KIF19: variants seen among roughly 807,000 people sequenced by gnomAD.
The protein encoded by KIF19 is kinesin-like protein KIF19.
In KIF19, 98 loss-of-function variants were observed where a neutral mutation model predicts 106.6. The observed-to-expected ratio is 0.92, with a 90% CI of 0.78 to 1.09. The LOEUF is 1.09. Among genes scored for constraint, KIF19 ranks in the 50% least tolerant of loss-of-function variants. The probability of loss-of-function intolerance (pLI) is 0.00; values close to 1 mark genes in which losing one functional copy is unlikely to be tolerated. For synonymous variants in KIF19, 516 were observed against 584.2 expected (o/e 0.88, Z 1.68); for missense variants, 1,373 against 1,414.3 (o/e 0.97, Z 0.47).
intron 7 of KIF19, 149 bp downstream of exon 7, chr17:74,345,104 T>C (rs1032182653): frequency 1.3e-5 from 10 of 765,480 alleles, no homozygotes; most frequent in Non-Finnish European, 1.9e-5. Flanking sequence ...GCATCTCAGC[T>C]TCGTAGGAGT....
At position 74,344,525 on chromosome 17, in the gene KIF19, G is replaced by A. The variant is rs549031029; in HGVS notation, c.582+177G>A. Among the ~76,000 whole-genome samples, 81 of 152,298 alleles carry A rather than the reference G, an allele frequency of 5.3e-4. 1 individual carries two copies. Among genetic ancestry groups the A allele is most frequent in the African/African-American group, 1.8e-3 (76 of 41,564 alleles). On this transcript the variant is annotated intron_variant, in intron 6 of 19. Transcript: ENST00000389916. ...ACACCTGCCCCAATGCCCCCACCAC[G>A]CTGACCCTGGGAGAGTAACCAGGCA...
rs2054537618 is a variant in KIF19, at chr17:74,346,583, C to T, written c.924+59C>T. On this transcript the variant is annotated intron_variant, in intron 8 of 19. Transcript: ENST00000389916. The surrounding 1 kb of genome is among the most constrained non-coding windows in gnomAD (Gnocchi z 4.6). ...CCAAGGGTGAGGCTGCCAGATTAAA[C>T]AAATGAAAATACAGGGCACCCAGCT... 1.3e-6 allele frequency: 2 copies of T among 1,496,320 alleles called. No individual in the cohort carries two copies. Among genetic ancestry groups the T allele is most frequent in the African/African-American group, 2.8e-5 (2 of 71,716 alleles). The allele number at this position is 1,496,320 out of a possible 1,614,324, so 92.7% of individuals were successfully genotyped here.
chr17:74,332,208 G>T (rs1489212777), intron 2 of KIF19, among the ~76,000 whole-genome samples: 9 of 48,350 alleles, frequency 1.9e-4, no homozygotes, highest in African/African-American at 7.1e-4. Context: ...GTGTGTGTGT[G>T]TTTGTGTGTG....
Position 74,349,891 on chromosome 17 carries a change from C to CG in KIF19, c.1214-507dup, listed in dbSNP as rs1209631923. ...TAGGCTTACTGCAACCTCTGCCTCC[C>CG]GGGTTCAAGCGATTCTTCTGCCTCA... is the stretch of plus-strand genomic sequence containing the variant. On this transcript the variant is annotated intron_variant, in intron 10 of 19. Coordinates refer to ENST00000389916, the MANE Select transcript of KIF19 (RefSeq NM_153209.4). 5.3e-5 allele frequency among the ~76,000 whole-genome samples: 8 copies of CG among 151,994 alleles called. No individual in the cohort carries two copies. The East Asian group carries it at 1.2e-3, about 22-fold the overall frequency.
chr17:74,354,219 G>A lies in KIF19; in HGVS notation c.2366G>A (p.Arg789His), dbSNP rs762399531. 2.2e-5 allele frequency: 36 copies of A among 1,608,980 alleles called. No individual in the cohort carries two copies. Among genetic ancestry groups the A allele is most frequent in the South Asian group, 4.4e-5 (4 of 90,998 alleles). ...ATCTGGGTGAAGGCCGCCCGGCGGCGCTCGCGGGCCCTGGGAACCGAGGGG... is the reference window on the plus strand; with the variant it reads ...ATCTGGGTGAAGGCCGCCCGGCGGCACTCGCGGGCCCTGGGAACCGAGGGG... ...KCIWVKAARR[R>H]SRALGTEGRH... The change falls in exon 18 of 20, where the codon CGC becomes CAC. Residue 789 changes from arginine to histidine, a missense_variant. Around this residue, in one of 3 missense-constraint regions of KIF19, gnomAD observed 1,020 missense variants for 1,008.2 expected, o/e 1.01. Coordinates refer to ENST00000389916, the MANE Select transcript of KIF19 (RefSeq NM_153209.4).
chr17:74,355,446 G>A lies in KIF19; in HGVS notation c.*134G>A. 1 of 1,204,914 alleles carries A rather than the reference G, an allele frequency of 8.3e-7. No individual in the cohort carries two copies. Among genetic ancestry groups the A allele is most frequent in the South Asian group, 1.7e-5 (1 of 57,910 alleles). 74.6% of individuals were successfully genotyped at this position (1,204,914 alleles called of 1,614,324 possible). A position where few individuals can be genotyped will look rare whatever the true frequency, so the allele number is the denominator to read the frequency against. ...GATCTCAGCAGGCCAGGGCTCCTGA[G>A]ACCCAGGAACTGGGGTCTCTGCCCA... On this transcript the variant is annotated 3_prime_UTR_variant, in exon 20 of 20. Coordinates refer to ENST00000389916, the MANE Select transcript of KIF19 (RefSeq NM_153209.4).
rs778538301 is a variant in KIF19 at position 74,354,958 on chromosome 17, A to T, written c.2866+17A>T. 80 of 1,576,440 alleles carry T rather than the reference A, an allele frequency of 5.1e-5. No individual in the cohort carries two copies. The African/African-American group carries it at 1.0e-3, about 20-fold the overall frequency. On this transcript the variant is annotated intron_variant, in intron 19 of 19. Transcript: ENST00000389916. ...AGAACACGGGTCAGTATGGGCAAGG[A>T]GGGGATGGGGAGGGGAGGCCTCCAC...
chr17:74,339,360 C>T (rs142744501), intron 2 of KIF19, among the ~76,000 whole-genome samples: 92 of 152,056 alleles, frequency 6.1e-4, no homozygotes, highest in Middle Eastern at 3.4e-3. Context: ...GAAGAATCAT[C>T]GTGATGATTC....
At chr17:74,351,799 A>G in intron 12 of KIF19, 68 bp from the exon 13 acceptor site, 1 of 1,359,038 alleles carries the variant, frequency 7.4e-7, no homozygotes, top group Non-Finnish European at 9.4e-7. Flanking sequence ...TGGAGGGTCG[A>G]GGACGAGCTG....
At chr17:74,333,111 G>A (rs996562434) in intron 2 of KIF19, among the ~76,000 whole-genome samples, 1 of 152,210 alleles carries the variant, frequency 6.6e-6, no homozygotes, top group Non-Finnish European at 1.5e-5. Context: ...CTGCCTGCCT[G>A]GGGGCAGTGA....
At chr17:74,351,733 G>T in intron 12 of KIF19, 134 bp from the exon 13 acceptor site, 1 of 1,037,194 alleles carries the variant, frequency 9.6e-7, no homozygotes, top group Non-Finnish European at 1.3e-6. Flanking sequence ...CCAAGATTCA[G>T]CTTTTAGGGT....
chr17:74,342,142 T>G (rs2054395381), intron 3 of KIF19, among the ~76,000 whole-genome samples, 156 bp downstream of exon 3: 1 of 152,132 alleles, frequency 6.6e-6, no homozygotes. Context: ...AGGAAGGTTC[T>G]CATGCACACA....
At position 74,353,554 on chromosome 17, in the gene KIF19, C is replaced by T. The variant is rs1398985310; in HGVS notation, c.2281C>T (p.Leu761=). The T allele has an allele frequency of 6.2e-7, 1 of 1,613,846 alleles. No homozygotes were observed. The highest frequency in any genetic ancestry group is 8.5e-7 in the Non-Finnish European group (1 of 1,179,872). ...INSSPDSSEN[L]SEIPLSHKER... ...CTCTTCCCCTGACAGCAGTGAGAAC[C>T]TGTCGGAGATCCCCTTGTCCCACAA... Residue 761 remains leucine, a synonymous_variant, in exon 17 of 20, where the codon CTG becomes TTG. Coordinates refer to ENST00000389916, the MANE Select transcript of KIF19 (RefSeq NM_153209.4).
Position 74,326,293 on chromosome 17 carries a change from G to A in KIF19, c.-57G>A. The A allele has an allele frequency of 6.4e-7, 1 of 1,552,072 alleles. No individual in the cohort carries two copies. The highest frequency in any genetic ancestry group is 8.7e-7 in the Non-Finnish European group (1 of 1,145,854). ...GGCGGACGCGACCCGGAGGCGGTGG[G>A]GGTGCGGCTGAGCCATGCCCGGTGG... On this transcript the variant is annotated 5_prime_UTR_variant, in exon 1 of 20. Coordinates refer to ENST00000389916, the MANE Select transcript of KIF19 (RefSeq NM_153209.4).
At chr17:74,354,048 G>C in intron 17 of KIF19, 114 bp from the exon 18 acceptor site, 1 of 1,202,936 alleles carries the variant, frequency 8.3e-7, no homozygotes, top group Non-Finnish European at 1.2e-6. Flanking sequence ...ACCCCTGGAA[G>C]TGCTAGGATT....
chr17:74,349,375 G>T, intron 10 of KIF19, 26 bp downstream of exon 10: 2 of 1,563,566 alleles, frequency 1.3e-6, no homozygotes, highest in Non-Finnish European at 1.7e-6. Context: ...TGTGTGAGTG[G>T]CAGCCCCCTC....
At chr17:74,343,216 A>C (rs2054433876) in intron 5 of KIF19, 56 bp downstream of exon 5, 1 of 1,581,482 alleles carries the variant, frequency 6.3e-7, no homozygotes. Flanking sequence ...GGGGCTGGTC[A>C]CTGTGCAGCT....
At position 74,327,713 on chromosome 17, in the gene KIF19, C is replaced by T. The variant is rs111791890; in HGVS notation, c.40-712C>T. On this transcript the variant is annotated intron_variant, in intron 1 of 19. Coordinates refer to ENST00000389916, the MANE Select transcript of KIF19 (RefSeq NM_153209.4). Reference sequence around the variant, plus strand: ...GTCTCGAACTCCTGACCTCAGGATCCGCCCACCTCGGCCTCCTAAAGTGCT... The same window carrying T: ...GTCTCGAACTCCTGACCTCAGGATCTGCCCACCTCGGCCTCCTAAAGTGCT... Among the ~76,000 whole-genome samples the T allele has an allele frequency of 9.2e-3, 1,404 of 152,292 alleles. 24 individuals carry two copies. Among genetic ancestry groups the T allele is most frequent in the African/African-American group, 0.032 (1,330 of 41,556 alleles).
At chr17:74,348,045 CTT>C (rs1241256225) in intron 9 of KIF19, 146 bp downstream of exon 9, 1 of 1,039,538 alleles carries the variant, frequency 9.6e-7, no homozygotes, top group African/African-American at 1.6e-5. Context: ...CACCTGTACA[CTT>C]TCCCTGCACC....
Sources: gnomAD v4.1 joint callset for allele counts (sites outside exome capture counted in the v4.1 genomes callset) on GRCh38, gnomAD v4.1.1 for gene constraint, gnomAD v4.1.1 regional missense constraint, Gnocchi (gnomAD v3.1) non-coding constraint, MANE v1.5 for transcripts, NCBI Gene and HGNC (gene_info 2026-07-23, HGNC 2026-07-21) for gene names.